Variants in TEX2 observed in about 807,000 individuals in gnomAD.
The protein encoded by TEX2 is testis-expressed protein 2.
TEX2 carries 53 observed loss-of-function variants against 106.9 expected under a neutral mutation model. The ratio of observed to expected loss-of-function variants is 0.50; its 90% CI spans 0.40 to 0.62. The LOEUF is 0.62. TEX2 is among the 20% of genes least tolerant of loss of function. TEX2 has a pLI of 0.00. For synonymous variants in TEX2, 523 were observed against 534.8 expected, an observed-to-expected ratio of 0.98 and a Z score of 0.30; for missense variants, 1,207 against 1,379.0, an observed-to-expected ratio of 0.88 and a Z score of 1.98.
Position 64,194,913 on chromosome 17 carries a change from A to G in TEX2, c.1827T>C (p.Tyr609=). The G allele has an allele frequency of 6.2e-7, 1 of 1,614,156 alleles. No individual in the cohort carries two copies. The highest frequency in any genetic ancestry group is 8.5e-7 in the Non-Finnish European group (1 of 1,179,982). The change falls in exon 3 of 12, where the codon TAT becomes TAC. Residue 609 remains tyrosine (Y), a synonymous_variant. Coordinates refer to ENST00000584379, the MANE Select transcript of TEX2 (RefSeq NM_001288732.2). ...GGCTCACCTTGCTGTCTGAGAGGTC[A>G]TAGATTTTCTGGCTGATGTAGGTGA... The part of the protein sequence containing the change: ...PEVTYISQKI[Y]DLSDSKIYLV...
In TEX2 at chr17:64,188,207, G is replaced by A. The variant is rs201414066; in HGVS notation, c.2385C>T (p.Pro795=). ...TGGGGCTGCTCTCCGCACTCTGCAGGGGGCTCCTCTGGGGGCTTCGGCTTT... is the reference window on the plus strand; with the variant it reads ...TGGGGCTGCTCTCCGCACTCTGCAGAGGGCTCCTCTGGGGGCTTCGGCTTT... ...PQESRSPQRS[P]LQSAESSPTA... Residue 795 remains proline, a synonymous_variant, in exon 5 of 12, where the codon CCC becomes CCT. Coordinates refer to ENST00000584379, the MANE Select transcript of TEX2 (RefSeq NM_001288732.2). 6.2e-7 allele frequency: 1 copy of A among 1,612,240 alleles called. No individual in the cohort carries two copies. Among genetic ancestry groups the A allele is most frequent in the African/African-American group, 1.3e-5 (1 of 75,018 alleles).
intron 7 of TEX2, among the ~76,000 whole-genome samples, chr17:64,161,775 C>G (rs1175206970): frequency 6.6e-6 from 1 of 152,026 alleles, no homozygotes; most frequent in African/African-American, 2.4e-5. Flanking sequence ...ATTTTTCAGA[C>G]TCGGGGCTCC....
At position 64,205,605 on chromosome 17, in the gene TEX2, G is replaced by C. The variant is rs1046200978; in HGVS notation, c.1644+6969C>G. On this transcript the variant is annotated intron_variant, in intron 2 of 11. Coordinates refer to ENST00000584379, the MANE Select transcript of TEX2 (RefSeq NM_001288732.2). This position sits in a 1 kb window ranked among gnomAD's most constrained non-coding sequence, Gnocchi z 4.0. ...TTTCTTGAAAGAATTTCAACAAATT[G>C]AGATTAAATTTACAAATTGGAATTT... Among the ~76,000 whole-genome samples, 1 of 152,076 alleles carries C rather than the reference G, an allele frequency of 6.6e-6. No individual in the cohort carries two copies. Among genetic ancestry groups the C allele is most frequent in the African/African-American group, 2.4e-5 (1 of 41,390 alleles).
chr17:64,170,824 G>A (rs1312621188), intron 7 of TEX2, among the ~76,000 whole-genome samples: 2 of 151,856 alleles, frequency 1.3e-5, no homozygotes, highest in African/African-American at 2.4e-5. Flanking sequence ...TAGTAGAGAC[G>A]GTGTTTTGCC....
Position 64,150,823 on chromosome 17 carries a change from A to C in TEX2, c.3261+18T>G. 6.2e-7 allele frequency: 1 copy of C among 1,607,026 alleles called. No homozygotes were observed. ...TTCTATACTTGGTGTGAAATACTAG[A>C]TAACACTAGAGGTTTACCTGAAACT... On this transcript the variant is annotated intron_variant, in intron 11 of 11. Coordinates refer to ENST00000584379, the MANE Select transcript of TEX2 (RefSeq NM_001288732.2).
At chr17:64,231,715 C>A (rs1441063816) in intron 1 of TEX2, among the ~76,000 whole-genome samples, 3 of 152,212 alleles carry the variant, frequency 2.0e-5, no homozygotes, top group Middle Eastern at 3.2e-3. Context: ...AGAACTCAAA[C>A]TCTGAAATTA....
intron 10 of TEX2, among the ~76,000 whole-genome samples, chr17:64,151,904 T>G (rs1319220700): frequency 1.3e-5 from 2 of 152,210 alleles, no homozygotes; most frequent in African/African-American, 4.8e-5. Context: ...ATTATGGGTT[T>G]TTATTTATTT....
chr17:64,236,984 G>T (rs782553217), intron 1 of TEX2, among the ~76,000 whole-genome samples: 4 of 152,208 alleles, frequency 2.6e-5, no homozygotes, highest in African/African-American at 9.7e-5. Flanking sequence ...GCAGTACTCA[G>T]ATTGACCTCA....
At chr17:64,214,363 A>G in intron 1 of TEX2, 121 bp from the exon 2 acceptor site, 2 of 801,518 alleles carry the variant, frequency 2.5e-6, no homozygotes, top group Non-Finnish European at 3.9e-6. Flanking sequence ...TACTTGGCAG[A>G]TGTCCACCGT....
rs984078539 is a variant in TEX2 at position 64,247,603 on chromosome 17, C to T, written c.-26+15565G>A. On this transcript the variant is annotated intron_variant, in intron 1 of 11. Transcript: ENST00000584379. The stretch of plus-strand genomic sequence containing the variant: ...CGGCCAGGCTTGCGCACGGATGCCC[C>T]GCGCGGGGAGCCTGCAGTTCGCTCA... 7.2e-5 allele frequency among the ~76,000 whole-genome samples: 11 copies of T among 152,258 alleles called. No homozygotes were observed. The East Asian group carries it at 1.9e-3, about 27-fold the overall frequency.
chr17:64,190,897 G>GAGGAC, intron 4 of TEX2, among the ~76,000 whole-genome samples: 1 of 152,214 alleles, frequency 6.6e-6, no homozygotes, highest in East Asian at 1.9e-4. Context: ...CCCTGAGGGA[G>GAGGAC]AGGACAGGGC....
intron 1 of TEX2, among the ~76,000 whole-genome samples, chr17:64,245,721 T>C (rs1011410689): frequency 1.3e-5 from 2 of 152,192 alleles, no homozygotes; most frequent in African/African-American, 2.4e-5. Context: ...ATACTGCATA[T>C]TTTGGTGGTG....
intron 2 of TEX2, among the ~76,000 whole-genome samples, chr17:64,197,326 A>G (rs1246477458): frequency 6.6e-6 from 1 of 151,892 alleles, no homozygotes; most frequent in South Asian, 2.1e-4. Flanking sequence ...TAGGTTATCT[A>G]TTTCTTCTTG....
intron 6 of TEX2, 46 bp downstream of exon 6, chr17:64,177,279 T>C (rs2031652205): frequency 6.2e-7 from 1 of 1,602,884 alleles, no homozygotes; most frequent in South Asian, 1.1e-5. Context: ...TTTCCAGAAA[T>C]GAAGAAGTAT....
chr17:64,157,328 T>C (rs968447654), intron 8 of TEX2, among the ~76,000 whole-genome samples: 5 of 152,206 alleles, frequency 3.3e-5, no homozygotes, highest in African/African-American at 1.2e-4. Context: ...TCCAGTTATG[T>C]TCCTTCTGCC....
intron 2 of TEX2, among the ~76,000 whole-genome samples, chr17:64,197,513 T>C (rs962721877): frequency 1.8e-4 from 28 of 152,284 alleles, no homozygotes; most frequent in Non-Finnish European, 2.9e-5. Flanking sequence ...CTCAAATCTT[T>C]CTTTTCGTAT....
rs1371160910 is a variant in TEX2 at position 64,213,674 on chromosome 17, G to A, written c.544C>T (p.Leu182Phe). 1 of 1,614,084 alleles carries A rather than the reference G, an allele frequency of 6.2e-7. No homozygotes were observed. The highest frequency in any genetic ancestry group is 8.5e-7 in the Non-Finnish European group (1 of 1,180,050). ...ILSSSASTST[L>F]SSAKPFMSLV... Reference sequence around the variant, plus strand: ...CTCATGAAGGGTTTTGCACTGGAAAGGGTGGAGGTTGAGGCACTGGATGAG... The same window carrying A: ...CTCATGAAGGGTTTTGCACTGGAAAAGGTGGAGGTTGAGGCACTGGATGAG... The change falls in exon 2 of 12, where the codon CTT becomes TTT. Residue 182 changes from leucine to phenylalanine, a missense_variant. Around this residue, in one of 3 missense-constraint regions of TEX2, gnomAD observed 1,067 missense variants for 1,193.6 expected, o/e 0.89. Coordinates refer to ENST00000584379, the MANE Select transcript of TEX2 (RefSeq NM_001288732.2). This position sits in a 1 kb window ranked among gnomAD's most constrained non-coding sequence, Gnocchi z 4.4.
At chr17:64,229,059 G>A (rs988929557) in intron 1 of TEX2, among the ~76,000 whole-genome samples, 1 of 151,722 alleles carries the variant, frequency 6.6e-6, no homozygotes, top group Non-Finnish European at 1.5e-5. Flanking sequence ...TTCACCATTA[G>A]AAACAACGCT....
chr17:64,256,292 A>G (rs1878587528), intron 1 of TEX2, among the ~76,000 whole-genome samples: 1 of 152,302 alleles, frequency 6.6e-6, no homozygotes, highest in East Asian at 1.9e-4. Flanking sequence ...CTCAAGGCTC[A>G]TTCAACCCTC....
Sources: gnomAD v4.1 joint callset for allele counts (sites outside exome capture counted in the v4.1 genomes callset) on GRCh38, gnomAD v4.1.1 for gene constraint, gnomAD v4.1.1 regional missense constraint, Gnocchi (gnomAD v3.1) non-coding constraint, MANE v1.5 for transcripts, NCBI Gene and HGNC (gene_info 2026-07-23, HGNC 2026-07-21) for gene names.